EFCAB8: variants seen among roughly 807,000 people sequenced by gnomAD.
The protein encoded by EFCAB8 is EF-hand calcium binding domain 8.
In EFCAB8, 100 loss-of-function variants were observed where a neutral mutation model predicts 116.3. The ratio of observed to expected loss-of-function variants is 0.86; its 90% CI spans 0.73 to 1.02. The LOEUF (loss-of-function observed/expected upper bound fraction) is 1.02, where lower values mean the gene tolerates loss of function less well. Ranked by LOEUF, EFCAB8 falls within the 50% of genes least tolerant of loss-of-function variation. EFCAB8 has a pLI of 0.00. For missense variants in EFCAB8, 1,320 were observed against 1,416.9 expected (o/e 0.93, Z 1.10); for synonymous variants, 558 against 567.9 (o/e 0.98, Z 0.25).
At chr20:32,860,206 G>T (rs978591212) in intron 1 of EFCAB8, among the ~76,000 whole-genome samples, 6 of 152,140 alleles carry the variant, frequency 3.9e-5, no homozygotes, top group Non-Finnish European at 7.4e-5. Flanking sequence ...TACTGAGGAG[G>T]CTGAGGCATG....
chr20:32,905,759 C>CAAAAAAAAA (rs571052063), intron 11 of EFCAB8, among the ~76,000 whole-genome samples: 8 of 71,514 alleles, frequency 1.1e-4, no homozygotes, highest in African/African-American at 3.2e-4. Context: ...GACTCCATCT[C>CAAAAAAAAA]AAAAAAAAAA....
rs1283408001 is a variant in EFCAB8, at chr20:32,940,483, G to A, written c.2791-3153G>A. On this transcript the variant is annotated intron_variant, in intron 22 of 26. Coordinates refer to ENST00000400522, the MANE Select transcript of EFCAB8 (RefSeq NM_001143967.2). Reference sequence around the variant, plus strand: ...AAGAGCCAAAATTATAAGACTTTTAGAAGAAAATAAATGGAAAATACTTGT... The same window carrying A: ...AAGAGCCAAAATTATAAGACTTTTAAAAGAAAATAAATGGAAAATACTTGT... 2.0e-5 allele frequency among the ~76,000 whole-genome samples: 3 copies of A among 149,554 alleles called. 1 individual carries two copies. Among genetic ancestry groups the A allele is most frequent in the Non-Finnish European group, 4.5e-5 (3 of 67,414 alleles).
chr20:32,920,324 T>TCCCCAGTG, intron 20 of EFCAB8, 109 bp downstream of exon 20: 1 of 1,419,504 alleles, frequency 7.0e-7, no homozygotes, highest in Non-Finnish European at 9.4e-7. Flanking sequence ...GGCCTGATTC[T>TCCCCAGTG]CCCCAGTGCC....
chr20:32,863,888 C>CA, intron 2 of EFCAB8, 54 bp downstream of exon 2: 1 of 1,538,126 alleles, frequency 6.5e-7, no homozygotes, highest in Non-Finnish European at 8.8e-7. Context: ...CAGAGTCACC[C>CA]AAAACCTCAC....
At chr20:32,940,511 C>T (rs1217056559) in intron 22 of EFCAB8, among the ~76,000 whole-genome samples, 1 of 149,450 alleles carries the variant, frequency 6.7e-6, no homozygotes, top group Non-Finnish European at 1.5e-5. Flanking sequence ...ATACTTGTGA[C>T]CTTAGACAGT....
intron 23 of EFCAB8, among the ~76,000 whole-genome samples, chr20:32,949,181 A>G (rs747660038): frequency 2.0e-5 from 3 of 152,246 alleles, no homozygotes; most frequent in Non-Finnish European, 1.5e-5. Context: ...CTAGCAATGA[A>G]CAGCCAGAAA....
intron 22 of EFCAB8, among the ~76,000 whole-genome samples, chr20:32,939,224 C>G (rs1400191366): frequency 2.8e-5 from 3 of 108,958 alleles, no homozygotes; most frequent in Non-Finnish European, 5.7e-5. Context: ...CTCTCTCTCT[C>G]TCTTTCCCTC....
chr20:32,894,475 G>A (rs1234404831), intron 9 of EFCAB8, among the ~76,000 whole-genome samples: 1 of 152,218 alleles, frequency 6.6e-6, no homozygotes, highest in African/African-American at 2.4e-5. Flanking sequence ...AGGTTGTGGT[G>A]GTCTTTGAGC....
intron 3 of EFCAB8, among the ~76,000 whole-genome samples, chr20:32,870,345 C>T (rs2146176192): frequency 6.6e-6 from 1 of 152,292 alleles, no homozygotes; most frequent in Middle Eastern, 3.4e-3. Flanking sequence ...GTAATATACC[C>T]ACACAGTTCA....
chr20:32,888,883 C>T (rs982851154), intron 6 of EFCAB8, among the ~76,000 whole-genome samples: 2 of 151,704 alleles, frequency 1.3e-5, no homozygotes, highest in Admixed American at 6.6e-5. Context: ...GGTGCAAACA[C>T]ACCCATAGAA....
rs142200076 is a variant in EFCAB8 at position 32,872,116 on chromosome 20, A to G, written c.209-3810A>G. 2.0e-4 allele frequency among the ~76,000 whole-genome samples: 30 copies of G among 152,320 alleles called. No individual in the cohort carries two copies. The East Asian group carries it at 5.8e-3, about 29-fold the overall frequency. ...TTTCCATTTATTCCTTGATCCAGCA[A>G]CAAATATAATAATAATTACTGTTGT... is the stretch of plus-strand genomic sequence containing the variant. On this transcript the variant is annotated intron_variant, in intron 3 of 26. Coordinates refer to ENST00000400522, the MANE Select transcript of EFCAB8 (RefSeq NM_001143967.2).
rs564269501 is a variant in EFCAB8, at chr20:32,918,537, C to T, written c.2237C>T (p.Pro746Leu). Reference sequence around the variant, plus strand: ...TCGGCTCCCCCAGTGATGCGGTGCCCGAGAGACAAGGAGCCAGACAGGCCT... The same window carrying T: ...TCGGCTCCCCCAGTGATGCGGTGCCTGAGAGACAAGGAGCCAGACAGGCCT... ...LVSAPPVMRC[P>L]RDKEPDRPVP... Residue 746 changes from proline to leucine, a missense_variant, in exon 19 of 27, where the codon CCG becomes CTG. Physicochemically the swap from Pro to Leu is moderately conservative, Grantham distance 98 (BLOSUM62 -3). Transcript: ENST00000400522. The T allele has an allele frequency of 9.0e-6, 14 of 1,551,484 alleles. No individual in the cohort carries two copies. Among genetic ancestry groups the T allele is most frequent in the East Asian group, 7.3e-5 (3 of 40,924 alleles).
Position 32,920,087 on chromosome 20 carries a change from A to G in EFCAB8, c.2284A>G (p.Ser762Gly). ...CCATCTTTCTTTCCAGAAACCTTCC[A>G]GTGCTTCTGGCACATCCAGGCAGTC... is the stretch of plus-strand genomic sequence containing the variant. ...DRPVPQQKPS[S>G]ASGTSRQSSK... The change falls in exon 20 of 27, where the codon AGT becomes GGT. Residue 762 changes from serine (S) to glycine (G), a missense_variant. Transcript: ENST00000400522. 4 of 1,551,734 alleles carry G rather than the reference A, an allele frequency of 2.6e-6. No individual in the cohort carries two copies. The highest frequency in any genetic ancestry group is 3.5e-6 in the Non-Finnish European group (4 of 1,146,996).
intron 22 of EFCAB8, among the ~76,000 whole-genome samples, chr20:32,941,671 A>G (rs900656390): frequency 6.6e-6 from 1 of 152,214 alleles, no homozygotes; most frequent in South Asian, 2.1e-4. Context: ...TGTCCATATT[A>G]AAGTAGATTA....
chr20:32,891,030 GTTTCCT>G (rs1164075030), intron 7 of EFCAB8, among the ~76,000 whole-genome samples: 1 of 152,244 alleles, frequency 6.6e-6, no homozygotes, highest in Non-Finnish European at 1.5e-5. Context: ...TGCAACATCT[GTTTCCT>G]GGGGACCCAG....
chr20:32,887,771 G>T (rs1406942504), intron 6 of EFCAB8, among the ~76,000 whole-genome samples: 1 of 152,208 alleles, frequency 6.6e-6, no homozygotes, highest in Non-Finnish European at 1.5e-5. Flanking sequence ...CATGCTACAC[G>T]AGTGCAGGAT....
In EFCAB8 at chr20:32,911,542, G is replaced by T. The variant is rs528916709; in HGVS notation, c.1620G>T (p.Thr540=). The T allele has an allele frequency of 6.1e-5, 93 of 1,529,926 alleles. No individual in the cohort carries two copies. The highest frequency in any genetic ancestry group is 7.8e-5 in the Non-Finnish European group (88 of 1,133,636). The allele number at this position is 1,529,926 out of a possible 1,614,324, so 94.8% of individuals were successfully genotyped here. Residue 540 remains threonine (T), a synonymous_variant, in exon 16 of 27, where the codon ACG becomes ACT. Coordinates refer to ENST00000400522, the MANE Select transcript of EFCAB8 (RefSeq NM_001143967.2). Reference sequence around the variant, plus strand: ...GGGAGGTCGTGACGGGCAGGAAGACGATGGAGTTTGCTGTGTCTGGGGGCC... The same window carrying T: ...GGGAGGTCGTGACGGGCAGGAAGACTATGGAGTTTGCTGTGTCTGGGGGCC... ...SVWEVVTGRK[T]MEFAVSGGQH... is the part of the protein sequence containing the mutation.
chr20:32,902,449 C>T (rs947359962), intron 11 of EFCAB8, among the ~76,000 whole-genome samples: 4 of 152,130 alleles, frequency 2.6e-5, no homozygotes, highest in Non-Finnish European at 2.9e-5. Context: ...TCAAAAAAAA[C>T]AAAAGACTCC....
rs988578041 is a variant in EFCAB8 at position 32,889,333 on chromosome 20, G to A, written c.600G>A (p.Pro200=). 7 of 1,551,652 alleles carry A rather than the reference G, an allele frequency of 4.5e-6. No homozygotes were observed. Among genetic ancestry groups the A allele is most frequent in the African/African-American group, 2.7e-5 (2 of 73,024 alleles). Residue 200 remains proline, a synonymous_variant, in exon 7 of 27, where the codon CCG becomes CCA. Coordinates refer to ENST00000400522, the MANE Select transcript of EFCAB8 (RefSeq NM_001143967.2). The stretch of plus-strand genomic sequence containing the variant: ...AGACCCAGCAGCTCTACAACCAGCC[G>A]ATGTGGGTCATTGACATGGTATGTC... ...LNQTQQLYNQ[P]MWVIDMVCLH...
Sources: allele counts gnomAD v4.1 joint callset (sites outside exome capture counted in the v4.1 genomes callset), GRCh38; gene constraint gnomAD v4.1.1; transcripts MANE v1.5; gene names NCBI Gene and HGNC (gene_info 2026-07-23, HGNC 2026-07-21).